The following PCDHGA4 variants were observed in gnomAD, a reference collection of about 807,000 sequenced individuals.
The protein encoded by PCDHGA4 is protocadherin gamma subfamily A, 4, also known as protocadherin gamma-A4.
A neutral mutation model predicts 54.6 loss-of-function variants in PCDHGA4; 38 were observed. The observed-to-expected ratio is 0.70, with a 90% CI of 0.54 to 0.91. The LOEUF (loss-of-function observed/expected upper bound fraction) is 0.91, where lower values mean the gene tolerates loss of function less well. PCDHGA4 is among the 40% of genes least tolerant of loss of function. The pLI, the probability that PCDHGA4 is intolerant of heterozygous loss-of-function variation, is 0.00. For synonymous variants in PCDHGA4, 511 were observed against 512.9 expected (o/e 1.00, Z 0.05); for missense variants, 1,298 against 1,220.9 (o/e 1.06, Z -0.94).
At chr5:141,374,777 G>A (rs755463569) in intron 1 of PCDHGA4, 1 of 1,613,852 alleles carries the variant, frequency 6.2e-7, no homozygotes, top group South Asian at 1.1e-5. Context: ...TCTGGTAACA[G>A]TTCTAGATGT....
At chr5:141,494,215 G>T (rs984086536) in intron 1 of PCDHGA4, among the ~76,000 whole-genome samples, 2 of 152,200 alleles carry the variant, frequency 1.3e-5, no homozygotes, top group Non-Finnish European at 2.9e-5. Context: ...GCCCAATCTG[G>T]CATGACTCCT....
intron 1 of PCDHGA4, among the ~76,000 whole-genome samples, chr5:141,442,945 C>G (rs1000311671): frequency 1.8e-4 from 28 of 152,150 alleles, no homozygotes; most frequent in African/African-American, 6.3e-4. Context: ...GAAACTTCCT[C>G]TCACTGCAAA....
chr5:141,383,072 AG>A lies in PCDHGA4; in HGVS notation c.2514+25452del, dbSNP rs747790551. ...AAGGACCTGGGGCTGGAGCCCCGGG[AG>A]CTGGCGGAGCGCGGAGTCCGCATCA... On this transcript the variant is annotated intron_variant, in intron 1 of 3. Transcript: ENST00000571252. The A allele has an allele frequency of 4.3e-6, 7 of 1,613,710 alleles. No homozygotes were observed. In the African/African-American group the frequency reaches 6.7e-5, roughly 15 times the overall value.
chr5:141,436,099 T>C (rs1400528271), intron 1 of PCDHGA4, among the ~76,000 whole-genome samples: 1 of 152,128 alleles, frequency 6.6e-6, no homozygotes, highest in Non-Finnish European at 1.5e-5. Flanking sequence ...TTGAGAGAAA[T>C]AGAGGACAAT....
chr5:141,365,442 T>C, intron 1 of PCDHGA4: 1 of 1,614,014 alleles, frequency 6.2e-7, no homozygotes, highest in Non-Finnish European at 8.5e-7. Context: ...CTGTTTAGCG[T>C]ACATGATGGT....
chr5:141,390,373 A>T, intron 1 of PCDHGA4: 1 of 1,481,208 alleles, frequency 6.8e-7, no homozygotes, highest in Non-Finnish European at 9.2e-7. Flanking sequence ...AAAATATATA[A>T]TTTTTAGATG....
chr5:141,410,789 A>G (rs1264282350), intron 1 of PCDHGA4: 13 of 794,352 alleles, frequency 1.6e-5, no homozygotes, highest in Non-Finnish European at 2.4e-5. Flanking sequence ...TATTTGGTTC[A>G]TAAGTTGCTC....
intron 1 of PCDHGA4, chr5:141,366,565 G>C: frequency 6.2e-7 from 1 of 1,614,252 alleles, no homozygotes; most frequent in Non-Finnish European, 8.5e-7. Flanking sequence ...GCGTGGATGG[G>C]GTTCGGGCTT....
intron 1 of PCDHGA4, chr5:141,370,955 T>C (rs780139792): frequency 7.4e-6 from 12 of 1,613,996 alleles, no homozygotes; most frequent in South Asian, 4.4e-5. Flanking sequence ...AGAACCTGGA[T>C]GGCAGTAGGT....
chr5:141,482,593 G>A (rs1314658005), intron 1 of PCDHGA4, among the ~76,000 whole-genome samples: 4 of 149,900 alleles, frequency 2.7e-5, no homozygotes, highest in Non-Finnish European at 5.9e-5. Flanking sequence ...GGGACCAAAC[G>A]GGAAAAAACA....
chr5:141,495,892 TTGTCTC>T (rs1035324353), intron 2 of PCDHGA4, among the ~76,000 whole-genome samples: 1 of 152,198 alleles, frequency 6.6e-6, no homozygotes, highest in Admixed American at 6.5e-5. Flanking sequence ...TTGTCTCTCT[TTGTCTC>T]TGTCTCTGTA....
intron 1 of PCDHGA4, among the ~76,000 whole-genome samples, chr5:141,469,207 G>T (rs2099193654): frequency 6.6e-6 from 1 of 151,820 alleles, no homozygotes; most frequent in African/African-American, 2.4e-5. Flanking sequence ...GCCTTTTGAA[G>T]TTGAGGCTTC....
intron 2 of PCDHGA4, among the ~76,000 whole-genome samples, chr5:141,501,703 G>A (rs183907124): frequency 6.6e-6 from 1 of 152,088 alleles, no homozygotes; most frequent in Non-Finnish European, 1.5e-5. Flanking sequence ...GTGATTCCGA[G>A]GATAAAAAAG....
intron 1 of PCDHGA4, among the ~76,000 whole-genome samples, chr5:141,445,597 G>T (rs2098471988): frequency 6.6e-6 from 1 of 152,200 alleles, no homozygotes; most frequent in African/African-American, 2.4e-5. Context: ...TAATCTGAAG[G>T]TCAAGGAAGG....
chr5:141,436,958 G>C (rs2097855854), intron 1 of PCDHGA4, among the ~76,000 whole-genome samples: 1 of 152,124 alleles, frequency 6.6e-6, no homozygotes, highest in Non-Finnish European at 1.5e-5. Context: ...ATCTAAACAA[G>C]GATCTTGTGA....
At chr5:141,388,941 C>A (rs191165529) in intron 1 of PCDHGA4, 1 of 1,613,962 alleles carries the variant, frequency 6.2e-7, no homozygotes, top group South Asian at 1.1e-5. Context: ...TCTACCCAAC[C>A]TAATTATGGA....
chr5:141,360,237 C>A, intron 1 of PCDHGA4: 1 of 1,613,902 alleles, frequency 6.2e-7, no homozygotes, highest in Non-Finnish European at 8.5e-7. Flanking sequence ...TCCAGATCCG[C>A]TATTCAATTC....
rs773899530 is a variant in PCDHGA4 at position 141,494,864 on chromosome 5, G to A, written c.2572G>A (p.Gly858Ser). 1.6e-5 allele frequency: 26 copies of A among 1,613,950 alleles called. No individual in the cohort carries two copies. The Admixed American group carries it at 3.5e-4, about 22-fold the overall frequency. Reference protein sequence around the residue: ...FSQAQRPGTSGSQNGDDTGTW... With the variant: ...FSQAQRPGTSSSQNGDDTGTW... ...TCAGGCCCAGAGACCCGGCACCAGC[G>A]GGTAGGTGACTGATTCTCCAGCCCA... Residue 858 changes from glycine to serine, a missense_variant and splice_region_variant, in exon 2 of 4, where the codon GGC (glycine) becomes AGC (serine). Gly to Ser is a moderately conservative substitution (Grantham distance 56, BLOSUM62 0). Coordinates refer to ENST00000571252, the MANE Select transcript of PCDHGA4 (RefSeq NM_018917.4).
chr5:141,371,762 C>G (rs755631698), intron 1 of PCDHGA4: 1 of 1,614,030 alleles, frequency 6.2e-7, no homozygotes, highest in South Asian at 1.1e-5. Context: ...ACCAGGCCTC[C>G]TACACCGTGC....
Sources: gnomAD v4.1 joint callset for allele counts (sites outside exome capture counted in the v4.1 genomes callset) on GRCh38, gnomAD v4.1.1 for gene constraint, MANE v1.5 for transcripts, NCBI Gene and HGNC (gene_info 2026-07-23, HGNC 2026-07-21) for gene names.